The following PCDHA13 variants were observed in gnomAD, a reference collection of about 807,000 sequenced individuals.
The protein encoded by PCDHA13 is protocadherin alpha 13, also known as protocadherin alpha-13.
A neutral mutation model predicts 64.8 loss-of-function variants in PCDHA13; 54 were observed. That is an observed-to-expected ratio of 0.83 (90% confidence interval 0.67 to 1.04). The LOEUF is 1.04. Ranked by LOEUF, PCDHA13 falls within the 50% of genes least tolerant of loss-of-function variation. The probability of loss-of-function intolerance (pLI) is 0.00; values close to 1 mark genes in which losing one functional copy is unlikely to be tolerated. For synonymous variants in PCDHA13, 587 were observed against 564.4 expected (o/e 1.04, Z -0.57); for missense variants, 1,248 against 1,254.3 (o/e 0.99, Z 0.08).
intron 1 of PCDHA13, among the ~76,000 whole-genome samples, chr5:140,933,146 C>G (rs1554209206): frequency 1.3e-5 from 2 of 151,920 alleles, no homozygotes. Context: ...GATAGCCACT[C>G]ATTTTGTTCC....
chr5:140,883,973 G>A lies in PCDHA13; in HGVS notation c.1705G>A (p.Gly569Arg), dbSNP rs782157297. Residue 569 changes from glycine (G) to arginine (R), a missense_variant, in exon 1 of 4, where the codon GGG (glycine) becomes AGG (arginine). Physicochemically the swap from Gly to Arg is moderately radical, Grantham distance 125 (BLOSUM62 -2). Transcript: ENST00000289272. ...CAACGCTCCGGCGCTGCTGACGCCC[G>A]GGGCTGGCAGCGCGGGAGGCACAGT... ...NDNAPALLTP[G>R]AGSAGGTVSE... is the part of the protein sequence containing the mutation. The A allele has an allele frequency of 2.8e-5, 45 of 1,612,722 alleles. No individual in the cohort carries two copies. Among genetic ancestry groups the A allele is most frequent in the Non-Finnish European group, 3.5e-5 (41 of 1,179,670 alleles).
chr5:140,948,345 A>G (rs1476053305), intron 1 of PCDHA13, among the ~76,000 whole-genome samples: 3 of 151,554 alleles, frequency 2.0e-5, no homozygotes, highest in African/African-American at 7.2e-5. Context: ...TAGTATTTCT[A>G]ACCTAATAAA....
chr5:140,976,623 A>T (rs2096725019), intron 1 of PCDHA13, among the ~76,000 whole-genome samples: 1 of 152,206 alleles, frequency 6.6e-6, no homozygotes, highest in Non-Finnish European at 1.5e-5. Context: ...CTGTCAGCTG[A>T]ACTCAGCAAT....
intron 3 of PCDHA13, among the ~76,000 whole-genome samples, chr5:141,007,208 A>G (rs1056049066): frequency 5.3e-5 from 8 of 152,060 alleles, no homozygotes; most frequent in African/African-American, 1.9e-4. Context: ...GGGCCAGAAT[A>G]TGCTGTCCCA....
intron 1 of PCDHA13, among the ~76,000 whole-genome samples, chr5:140,941,439 G>A (rs187782763): frequency 1.3e-5 from 2 of 149,420 alleles, no homozygotes; most frequent in East Asian, 2.0e-4. Context: ...CCTCAGCCTC[G>A]GGAGTAGCTG....
intron 1 of PCDHA13, among the ~76,000 whole-genome samples, chr5:140,897,071 A>AT (rs1433909021): frequency 3.3e-5 from 5 of 151,872 alleles, no homozygotes; most frequent in African/African-American, 1.2e-4. Flanking sequence ...TGTCTTATTC[A>AT]TTTTTTCTAT....
At chr5:140,982,691 C>G in intron 3 of PCDHA13, 128 bp downstream of exon 3, 1 of 1,408,152 alleles carries the variant, frequency 7.1e-7, no homozygotes, top group Non-Finnish European at 9.3e-7. Flanking sequence ...TTTTTCCATA[C>G]ATACATGATT....
chr5:141,001,370 T>G (rs1187805238), intron 3 of PCDHA13, among the ~76,000 whole-genome samples: 1 of 152,218 alleles, frequency 6.6e-6, no homozygotes, highest in African/African-American at 2.4e-5. Context: ...ACTATTCTGA[T>G]TACAGAGCCT....
At chr5:140,998,548 T>A (rs904925148) in intron 3 of PCDHA13, among the ~76,000 whole-genome samples, 7 of 149,880 alleles carry the variant, frequency 4.7e-5, no homozygotes, top group African/African-American at 1.7e-4. Context: ...CCTAATTTAA[T>A]GTCTAATTTA....
chr5:140,931,578 C>T (rs2087609680), intron 1 of PCDHA13, among the ~76,000 whole-genome samples: 1 of 152,008 alleles, frequency 6.6e-6, no homozygotes, highest in South Asian at 2.1e-4. Flanking sequence ...CCCATTCATT[C>T]AGTTGAACAG....
Position 141,009,722 on chromosome 5 carries a change from G to A in PCDHA13, c.2638G>A (p.Gly880Ser), listed in dbSNP as rs552954748. ...KYGPGNPKQSGPGELPDKFII... is the reference protein window; with the variant it reads ...KYGPGNPKQSSPGELPDKFII... ...CGGACCAGGCAACCCCAAACAATCC[G>A]GTCCCGGTGAGTTGCCCGACAAATT... The change falls in exon 4 of 4, where the codon GGT (glycine) becomes AGT (serine). Residue 880 changes from glycine (G) to serine (S), a missense_variant. Gly to Ser is a moderately conservative substitution (Grantham distance 56). Transcript: ENST00000289272. 5.2e-5 allele frequency: 84 copies of A among 1,614,140 alleles called. No homozygotes were observed. The South Asian group carries it at 6.7e-4, about 13-fold the overall frequency.
chr5:140,935,353 T>C (rs2090328143), intron 1 of PCDHA13, among the ~76,000 whole-genome samples: 1 of 152,184 alleles, frequency 6.6e-6, no homozygotes, highest in Non-Finnish European at 1.5e-5. Flanking sequence ...CAAATCCCAG[T>C]TTTCATTAAC....
chr5:140,992,841 A>G (rs1351149915), intron 3 of PCDHA13, among the ~76,000 whole-genome samples: 2 of 152,188 alleles, frequency 1.3e-5, no homozygotes, highest in African/African-American at 2.4e-5. Flanking sequence ...AACATTTTGT[A>G]TAACAACCAG....
intron 1 of PCDHA13, chr5:140,967,505 G>C (rs782818141): frequency 2.4e-5 from 39 of 1,612,940 alleles, no homozygotes; most frequent in Non-Finnish European, 3.2e-5. Context: ...CTCTGTGCGT[G>C]TCCTGGACAC....
chr5:140,975,120 C>T (rs2096654332), intron 1 of PCDHA13, among the ~76,000 whole-genome samples: 1 of 152,140 alleles, frequency 6.6e-6, no homozygotes, highest in African/African-American at 2.4e-5. Flanking sequence ...TGTTTTCCTA[C>T]TTACTATTGG....
intron 1 of PCDHA13, among the ~76,000 whole-genome samples, chr5:140,955,453 C>T (rs1372474602): frequency 6.6e-6 from 1 of 152,012 alleles, no homozygotes; most frequent in Admixed American, 6.6e-5. Context: ...TTTATAAGGG[C>T]TTTTTCCTTT....
At chr5:140,938,507 C>T (rs2092094259) in intron 1 of PCDHA13, among the ~76,000 whole-genome samples, 1 of 151,846 alleles carries the variant, frequency 6.6e-6, no homozygotes, top group Admixed American at 6.6e-5. Flanking sequence ...GAATTTATCA[C>T]ATATTTTCTG....
chr5:141,000,391 C>CTATA (rs2097912428), intron 3 of PCDHA13, among the ~76,000 whole-genome samples: 2 of 56,664 alleles, frequency 3.5e-5, no homozygotes, highest in Non-Finnish European at 6.1e-5. Context: ...CTCTCTCTCT[C>CTATA]TCTCTATATA....
intron 1 of PCDHA13, among the ~76,000 whole-genome samples, chr5:140,952,915 G>GGCATGA (rs2094816103): frequency 6.6e-6 from 1 of 151,986 alleles, no homozygotes; most frequent in African/African-American, 2.4e-5. Flanking sequence ...CATCTTACAT[G>GGCATGA]GCATGAGCAG....
Sources: gnomAD v4.1 joint callset for allele counts (sites outside exome capture counted in the v4.1 genomes callset) on GRCh38, gnomAD v4.1.1 for gene constraint, MANE v1.5 for transcripts, NCBI Gene and HGNC (gene_info 2026-07-23, HGNC 2026-07-21) for gene names.